The following GON4L variants were observed in gnomAD, a reference collection of about 807,000 sequenced individuals.
GON4L encodes the protein gon-4 like, also known as GON-4-like protein.
In GON4L, 87 loss-of-function variants were observed where a neutral mutation model predicts 211.8. The observed-to-expected ratio is 0.41, with a 90% CI of 0.35 to 0.49. GON4L has a LOEUF of 0.49. Among genes scored for constraint, GON4L ranks in the 20% least tolerant of loss-of-function variants. The pLI is 0.15. For missense variants in GON4L, 2,155 were observed against 2,659.5 expected (o/e 0.81, Z 4.17); for synonymous variants, 875 against 962.6 (o/e 0.91, Z 1.68).
intron 10 of GON4L, among the ~76,000 whole-genome samples, chr1:155,806,787 T>C (rs1011091724): frequency 6.6e-6 from 1 of 152,160 alleles, no homozygotes; most frequent in Non-Finnish European, 1.5e-5. Flanking sequence ...ATTCAGATTG[T>C]TTCCACTGTG....
chr1:155,748,905 A>C (rs1327161780), downstream of GON4L: 4 of 1,011,450 alleles, frequency 4.0e-6, no homozygotes, highest in South Asian at 1.7e-5. Context: ...AAAAGGATAA[A>C]AAGAAGGGCT....
At chr1:155,782,214 C>T (rs78242973) in intron 14 of GON4L, among the ~76,000 whole-genome samples, 4 of 152,216 alleles carry the variant, frequency 2.6e-5, no homozygotes, top group Admixed American at 6.5e-5. Flanking sequence ...ATCCAGGATG[C>T]TTTATTTAGT....
chr1:155,798,713 G>A (rs991173915), intron 11 of GON4L, among the ~76,000 whole-genome samples: 5 of 150,952 alleles, frequency 3.3e-5, no homozygotes, highest in South Asian at 2.1e-4. Flanking sequence ...GAGACACTGC[G>A]CCTGATCAAA....
Position 155,766,301 on chromosome 1 carries a change from G to C in GON4L, c.3172C>G (p.Leu1058Val), listed in dbSNP as rs764957307. 31 of 1,614,022 alleles carry C rather than the reference G, an allele frequency of 1.9e-5. No individual in the cohort carries two copies. The African/African-American group carries it at 3.6e-4, about 19-fold the overall frequency. ...AAACTCTCACCTCCACTGACCCCCAGTGGAGGGACACCTGGAACTGTCTGT... is the reference window on the plus strand; with the variant it reads ...AAACTCTCACCTCCACTGACCCCCACTGGAGGGACACCTGGAACTGTCTGT... ...VLQTVPGVPPLGVSGGESFES... is the reference protein window; with the variant it reads ...VLQTVPGVPPVGVSGGESFES... Residue 1058 changes from leucine (L) to valine (V), a missense_variant, in exon 21 of 32, where the codon CTG becomes GTG. This residue lies in a region of GON4L where 615 missense variants were observed against 625.7 expected (regional missense o/e 0.98). Transcript: ENST00000368331.
chr1:155,780,916 A>G (rs1444329903), intron 14 of GON4L, among the ~76,000 whole-genome samples: 1 of 152,080 alleles, frequency 6.6e-6, no homozygotes, highest in African/African-American at 2.4e-5. Flanking sequence ...TCATTTATCT[A>G]TTGGGGATAA....
Position 155,757,251 on chromosome 1 carries a change from G to A in GON4L, c.5326C>T (p.His1776Tyr), listed in dbSNP as rs997488516. ...ATCCGGCTAGCTGCTGGGCGCAAGTGGTCAAAGAAGATAGAAAACTCATCC... is the reference window on the plus strand; with the variant it reads ...ATCCGGCTAGCTGCTGGGCGCAAGTAGTCAAAGAAGATAGAAAACTCATCC... ...LQDEFSIFFD[H>Y]LRPAASRMGD... The change falls in exon 26 of 32, where the codon CAC becomes TAC. Residue 1776 changes from histidine (H) to tyrosine (Y), a missense_variant. Physicochemically the swap from His to Tyr is moderately conservative, Grantham distance 83 (BLOSUM62 2). This residue lies in a region of GON4L where 455 missense variants were observed against 504.6 expected (regional missense o/e 0.90). Coordinates refer to ENST00000368331, the MANE Select transcript of GON4L (RefSeq NM_001282860.2). 1 of 1,613,900 alleles carries A rather than the reference G, an allele frequency of 6.2e-7. No homozygotes were observed. The highest frequency in any genetic ancestry group is 1.3e-5 in the African/African-American group (1 of 75,020).
At chr1:155,845,400 TG>T in intron 2 of GON4L, 1 of 308,670 alleles carries the variant, frequency 3.2e-6, no homozygotes, top group South Asian at 2.9e-5. Context: ...GTGCAGAAGG[TG>T]GTAGTCCACC....
chr1:155,767,462 A>G lies in GON4L; in HGVS notation c.2726T>C (p.Ile909Thr). The G allele has an allele frequency of 2.5e-6, 4 of 1,613,182 alleles. No individual in the cohort carries two copies. Among genetic ancestry groups the G allele is most frequent in the Non-Finnish European group, 3.4e-6 (4 of 1,179,356 alleles). ...EIQPHQWKPP[I>T]EREEHRLPFW... is the part of the protein sequence containing the mutation. ...TGGGAGCCGGTGTTCTTCTCTCTCT[A>G]TAGGTGGCTTCCACTGATGTGGCTG... The change falls in exon 20 of 32, where the codon ATA becomes ACA. Residue 909 changes from isoleucine to threonine, a missense_variant. By Grantham distance (89) the Ile-to-Thr change is moderately conservative. This residue lies in a region of GON4L where 551 missense variants were observed against 854.0 expected (regional missense o/e 0.65). Transcript: ENST00000368331.
intron 11 of GON4L, among the ~76,000 whole-genome samples, chr1:155,797,067 A>G (rs1666136885): frequency 6.6e-6 from 1 of 152,170 alleles, no homozygotes; most frequent in Admixed American, 6.6e-5. Context: ...AAAGAAACAC[A>G]TAAAACTATT....
At chr1:155,752,618 T>C (rs2101615677) in intron 29 of GON4L, 28 bp from the exon 30 acceptor site, 1 of 1,561,602 alleles carries the variant, frequency 6.4e-7, no homozygotes, top group East Asian at 2.4e-5. Context: ...GATCTCAGGG[T>C]ACTGTCAGGT....
intron 3 of GON4L, among the ~76,000 whole-genome samples, chr1:155,823,326 A>G (rs116400570): frequency 1.2e-4 from 18 of 152,360 alleles, no homozygotes; most frequent in African/African-American, 4.3e-4. Flanking sequence ...AAAGAGAAAA[A>G]AACATGATCT....
At chr1:155,803,360 T>G (rs1666863279) in intron 11 of GON4L, among the ~76,000 whole-genome samples, 1 of 151,884 alleles carries the variant, frequency 6.6e-6, no homozygotes, top group African/African-American at 2.4e-5. Flanking sequence ...TTCTCCTGCC[T>G]CAGCCTCCTG....
At chr1:155,753,479 AAAGG>A in intron 28 of GON4L, 65 bp from the exon 29 acceptor site, 1 of 1,216,422 alleles carries the variant, frequency 8.2e-7, no homozygotes, top group Non-Finnish European at 1.2e-6. Context: ...GGGGCCCACC[AAAGG>A]AAGAAGCCCT....
chr1:155,755,993 A>T (rs1661137813), intron 27 of GON4L, among the ~76,000 whole-genome samples: 1 of 152,016 alleles, frequency 6.6e-6, no homozygotes, highest in Non-Finnish European at 1.5e-5. Context: ...AAAAAAAAAA[A>T]AATACTGCTT....
intron 10 of GON4L, among the ~76,000 whole-genome samples, chr1:155,809,153 A>G (rs1258100631): frequency 6.6e-6 from 1 of 152,060 alleles, no homozygotes; most frequent in Non-Finnish European, 1.5e-5. Flanking sequence ...GCCTCAAGCA[A>G]TCTTCTAGCC....
chr1:155,773,314 T>A, intron 17 of GON4L, 104 bp from the exon 18 acceptor site: 1 of 1,314,200 alleles, frequency 7.6e-7, no homozygotes, highest in Non-Finnish European at 1.1e-6. Context: ...TATCCTTACC[T>A]AACTTGATTC....
chr1:155,804,827 A>T (rs1666993267), intron 11 of GON4L, 122 bp downstream of exon 11: 1 of 765,200 alleles, frequency 1.3e-6, no homozygotes, highest in Non-Finnish European at 2.3e-6. Context: ...AAGATAAATT[A>T]TCAGTTAAAT....
At chr1:155,822,517 C>T in intron 3 of GON4L, 41 bp from the exon 4 acceptor site, 3 of 1,493,230 alleles carry the variant, frequency 2.0e-6, no homozygotes, top group Non-Finnish European at 2.8e-6. Flanking sequence ...TCCAAAATAG[C>T]TGCTCCAGGA....
Position 155,833,646 on chromosome 1 carries a change from C to CA in GON4L, c.506-6619dup, listed in dbSNP as rs59340708. On this transcript the variant is annotated intron_variant, in intron 2 of 31. Coordinates refer to ENST00000368331, the MANE Select transcript of GON4L (RefSeq NM_001282860.2). ...GGTCAACAAAGCGAGACTCTGTCTCCAAAAAAAAAAAAAAAAAAAAAAAAA... is the reference window on the plus strand; with the variant it reads ...GGTCAACAAAGCGAGACTCTGTCTCCAAAAAAAAAAAAAAAAAAAAAAAAAA... Among the ~76,000 whole-genome samples the CA allele has an allele frequency of 1.2e-3, 19 of 16,410 alleles. 2 individuals carry two copies. The highest frequency in any genetic ancestry group is 2.8e-3 in the African/African-American group (9 of 3,264). The allele number at this position is 16,410 out of a possible 152,430, so 10.8% of individuals were successfully genotyped here. A position where few individuals can be genotyped will look rare whatever the true frequency, so the allele number is the denominator to read the frequency against.
Sources: allele counts gnomAD v4.1 joint callset (sites outside exome capture counted in the v4.1 genomes callset), GRCh38; gene constraint gnomAD v4.1.1; regional missense constraint gnomAD v4.1.1; transcripts MANE v1.5; gene names NCBI Gene and HGNC (gene_info 2026-07-23, HGNC 2026-07-21).